Variants in SH3RF3 observed in about 807,000 individuals in gnomAD.
SH3RF3 encodes the protein E3 ubiquitin-protein ligase SH3RF3.
Under a neutral mutation model 66.3 loss-of-function variants are expected in SH3RF3, and 29 were observed. The observed-to-expected ratio is 0.44, with a 90% CI of 0.33 to 0.60. The LOEUF (loss-of-function observed/expected upper bound fraction) is 0.60. Among genes scored for constraint, SH3RF3 ranks in the 20% least tolerant of loss-of-function variants. The probability of loss-of-function intolerance (pLI) is 0.04; values close to 1 mark genes in which losing one functional copy is unlikely to be tolerated. For synonymous variants in SH3RF3, 583 were observed against 532.0 expected, an observed-to-expected ratio of 1.10 and a Z score of -1.32; for missense variants, 1,194 against 1,190.9, an observed-to-expected ratio of 1.00 and a Z score of -0.04.
intron 1 of SH3RF3, among the ~76,000 whole-genome samples, chr2:109,150,948 A>G (rs1677213103): frequency 6.6e-6 from 1 of 152,232 alleles, no homozygotes; most frequent in Non-Finnish European, 1.5e-5. Context: ...AGTTATTTCA[A>G]GGTGCTGATG....
Position 109,340,246 on chromosome 2 carries a change from A to G in SH3RF3, c.574-7428A>G, listed in dbSNP as rs192533944. On this transcript the variant is annotated intron_variant, in intron 1 of 9. Transcript: ENST00000309415. ...GGACCTCACTGTGCTCCAATTTCCT[A>G]TCGGTAAAGTGCAGATAATATAAGG... Among the ~76,000 whole-genome samples, 4 of 152,148 alleles carry G rather than the reference A, an allele frequency of 2.6e-5. No homozygotes were observed. The East Asian group carries it at 7.7e-4, about 29-fold the overall frequency.
rs746724924 is a variant in SH3RF3, at chr2:109,398,760, CAAG to C, written c.1122_1124del (p.Lys374del). The stretch of plus-strand genomic sequence containing the variant: ...GTGCCTTTCAGCGGCGTGTGGATGG[CAAG>C]AAGAACACCAAGAAACGCCACTCCT... On this transcript the variant is annotated inframe_deletion, in exon 4 of 10. Coordinates refer to ENST00000309415, the MANE Select transcript of SH3RF3 (RefSeq NM_001099289.3). 10 of 1,613,502 alleles carry C rather than the reference CAAG, an allele frequency of 6.2e-6. No homozygotes were observed. Among genetic ancestry groups the C allele is most frequent in the East Asian group, 4.5e-5 (2 of 44,876 alleles).
At chr2:109,130,522 G>A (rs921527385) in intron 1 of SH3RF3, among the ~76,000 whole-genome samples, 1 of 152,184 alleles carries the variant, frequency 6.6e-6, no homozygotes, top group African/African-American at 2.4e-5. Flanking sequence ...TTCTGACAGG[G>A]CTCTGATGGC....
At chr2:109,157,512 C>G (rs1426158959) in intron 1 of SH3RF3, among the ~76,000 whole-genome samples, 1 of 152,084 alleles carries the variant, frequency 6.6e-6, no homozygotes, top group Admixed American at 6.5e-5. Flanking sequence ...TGAAACTGGC[C>G]TTAGAGATAA....
At chr2:109,278,894 A>G (rs1053394832) in intron 1 of SH3RF3, among the ~76,000 whole-genome samples, 3 of 152,136 alleles carry the variant, frequency 2.0e-5, no homozygotes, top group African/African-American at 7.2e-5. Flanking sequence ...GGTGGGGATG[A>G]GTGTTTGCTG....
chr2:109,240,820 C>T (rs1312605918), intron 1 of SH3RF3, among the ~76,000 whole-genome samples: 1 of 152,064 alleles, frequency 6.6e-6, no homozygotes, highest in Non-Finnish European at 1.5e-5. Context: ...AAGGTTACTT[C>T]TTCCTACTGG....
At chr2:109,471,713 C>T (rs994216940) in intron 8 of SH3RF3, among the ~76,000 whole-genome samples, 1 of 152,204 alleles carries the variant, frequency 6.6e-6, no homozygotes, top group Non-Finnish European at 1.5e-5. Context: ...CCACTCACCC[C>T]CTTGCTGTCT....
intron 1 of SH3RF3, among the ~76,000 whole-genome samples, chr2:109,290,671 T>C (rs1356605132): frequency 6.6e-6 from 1 of 152,204 alleles, no homozygotes; most frequent in African/African-American, 2.4e-5. Flanking sequence ...CCATGGTCTT[T>C]GGGAGCAAGG....
At chr2:109,205,717 C>A (rs2105086908) in intron 1 of SH3RF3, among the ~76,000 whole-genome samples, 1 of 152,304 alleles carries the variant, frequency 6.6e-6, no homozygotes, top group African/African-American at 2.4e-5. Context: ...TGTTTCGGGG[C>A]AGTGCACTTT....
chr2:109,337,577 C>T (rs898072530), intron 1 of SH3RF3, among the ~76,000 whole-genome samples: 4 of 152,200 alleles, frequency 2.6e-5, no homozygotes, highest in South Asian at 2.1e-4. Context: ...GGAGCTTCCC[C>T]GAGCCTTTAG....
At chr2:109,377,693 C>T (rs753089732) in intron 3 of SH3RF3, among the ~76,000 whole-genome samples, 8 of 152,096 alleles carry the variant, frequency 5.3e-5, no homozygotes, top group African/African-American at 9.7e-5. Flanking sequence ...GGCCATTTCC[C>T]GTTTGAGAGT....
chr2:109,176,732 G>A (rs1677924941), intron 1 of SH3RF3, among the ~76,000 whole-genome samples: 2 of 152,174 alleles, frequency 1.3e-5, no homozygotes, highest in African/African-American at 4.8e-5. Flanking sequence ...GCCAGACCCT[G>A]TCTCTAAAAA....
intron 1 of SH3RF3, among the ~76,000 whole-genome samples, chr2:109,151,756 G>A (rs1002616979): frequency 2.0e-5 from 3 of 152,210 alleles, no homozygotes; most frequent in Non-Finnish European, 4.4e-5. Context: ...GACCACTTCA[G>A]ATATCATAAT....
chr2:109,409,604 C>G (rs1676534317), intron 4 of SH3RF3, among the ~76,000 whole-genome samples: 1 of 152,112 alleles, frequency 6.6e-6, no homozygotes, highest in Non-Finnish European at 1.5e-5. Flanking sequence ...CCCTCACCAG[C>G]TGAGAGTGCT....
chr2:109,360,354 A>T (rs905055504), intron 2 of SH3RF3, among the ~76,000 whole-genome samples: 1 of 152,226 alleles, frequency 6.6e-6, no homozygotes, highest in African/African-American at 2.4e-5. Context: ...ATGCCAAACA[A>T]CCACAGATGG....
At chr2:109,148,937 T>C (rs1006926473) in intron 1 of SH3RF3, among the ~76,000 whole-genome samples, 8 of 152,220 alleles carry the variant, frequency 5.3e-5, no homozygotes, top group African/African-American at 1.9e-4. Flanking sequence ...TAGACTTTAT[T>C]CTTTGTGGAG....
At chr2:109,165,155 A>T (rs567769054) in intron 1 of SH3RF3, among the ~76,000 whole-genome samples, 17 of 152,102 alleles carry the variant, frequency 1.1e-4, no homozygotes, top group African/African-American at 4.1e-4. Context: ...TTAGGTCATC[A>T]ACTTGCTGCC....
At chr2:109,130,767 TTA>T (rs1676675218) in intron 1 of SH3RF3, among the ~76,000 whole-genome samples, 6 of 152,268 alleles carry the variant, frequency 3.9e-5, no homozygotes, top group Non-Finnish European at 7.4e-5. Flanking sequence ...TCATTTATAT[TTA>T]TTATTATTAT....
intron 1 of SH3RF3, among the ~76,000 whole-genome samples, chr2:109,279,375 G>A (rs2163261): frequency 0.65 from 98,301 of 152,110 alleles, 32,059 homozygotes; most frequent in East Asian, 0.86. Flanking sequence ...GCAGTGGCAG[G>A]TTCTTGCATG....
Sources: gnomAD v4.1 joint callset for allele counts (sites outside exome capture counted in the v4.1 genomes callset) on GRCh38, gnomAD v4.1.1 for gene constraint, MANE v1.5 for transcripts, NCBI Gene and HGNC (gene_info 2026-07-23, HGNC 2026-07-21) for gene names.